Variants in ADCK1 observed in about 807,000 individuals in gnomAD.
The protein encoded by ADCK1 is aarF domain-containing protein kinase 1.
Under a neutral mutation model 52.3 loss-of-function variants are expected in ADCK1, and 41 were observed. That is an observed-to-expected ratio of 0.78 (90% CI 0.61 to 1.02). The LOEUF is 1.02. ADCK1 is among the 50% of genes least tolerant of loss of function. The pLI is 0.00. For synonymous variants in ADCK1, 250 were observed against 274.6 expected (o/e 0.91, Z 0.89); for missense variants, 658 against 679.5 (o/e 0.97, Z 0.35).
rs185670637 is a variant in ADCK1, at chr14:77,817,210, C to T, written c.-11-1758C>T. On this transcript the variant is annotated intron_variant, in intron 1 of 10. Coordinates refer to ENST00000238561, the MANE Select transcript of ADCK1 (RefSeq NM_020421.4). ...TGAGCCGAGATCGCGGCACTGCACT[C>T]CCGCCTGGGCGACAGAGCAAGACCC... Among the ~76,000 whole-genome samples the T allele has an allele frequency of 6.2e-3, 949 of 152,310 alleles. 14 individuals carry two copies. Among genetic ancestry groups the T allele is most frequent in the African/African-American group, 0.021 (884 of 41,574 alleles).
chr14:77,823,870 C>T (rs1273308060), intron 3 of ADCK1, among the ~76,000 whole-genome samples: 2 of 151,940 alleles, frequency 1.3e-5, no homozygotes. Flanking sequence ...CTGTGCCAGG[C>T]CTGTTTCATT....
chr14:77,909,188 T>C (rs1218467496), intron 7 of ADCK1, among the ~76,000 whole-genome samples: 4 of 139,010 alleles, frequency 2.9e-5, no homozygotes, highest in African/African-American at 1.1e-4. Context: ...TAGGCTGGAG[T>C]GCAATGGCGC....
Position 77,810,255 on chromosome 14 carries a change from C to T in ADCK1, c.-11-8713C>T, listed in dbSNP as rs1471730210. 3.3e-5 allele frequency among the ~76,000 whole-genome samples: 5 copies of T among 151,942 alleles called. No homozygotes were observed. The East Asian group carries it at 9.7e-4, about 30-fold the overall frequency. On this transcript the variant is annotated intron_variant, in intron 1 of 10. Transcript: ENST00000238561. Reference sequence around the variant, plus strand: ...TCAGCCTCCTGAGTAGCTGGGAGTTCAGGGACACACCACCATGCCCAGCTA... The same window carrying T: ...TCAGCCTCCTGAGTAGCTGGGAGTTTAGGGACACACCACCATGCCCAGCTA...
intron 6 of ADCK1, 58 bp downstream of exon 6, chr14:77,899,316 G>A (rs2140238676): frequency 3.8e-6 from 6 of 1,592,384 alleles, no homozygotes; most frequent in Non-Finnish European, 5.2e-6. Flanking sequence ...GTAGCGGTAT[G>A]TGGGTCCCTG....
intron 4 of ADCK1, among the ~76,000 whole-genome samples, chr14:77,873,926 T>G (rs2082841725): frequency 6.6e-6 from 1 of 152,224 alleles, no homozygotes; most frequent in African/African-American, 2.4e-5. Flanking sequence ...ACCATTAGGA[T>G]GGAAGGTAGG....
chr14:77,921,867 G>T (rs75695592), intron 7 of ADCK1, among the ~76,000 whole-genome samples: 1 of 152,044 alleles, frequency 6.6e-6, no homozygotes, highest in Non-Finnish European at 1.5e-5. Context: ...GTAATAGGGG[G>T]CCCAGAGCGA....
At chr14:77,931,389 C>A in intron 9 of ADCK1, 129 bp from the exon 10 acceptor site, 1 of 901,050 alleles carries the variant, frequency 1.1e-6, no homozygotes, top group Non-Finnish European at 1.7e-6. Context: ...AGTGCCAAGA[C>A]AGCGGTGCCT....
chr14:77,833,375 G>A (rs1448576475), intron 3 of ADCK1, among the ~76,000 whole-genome samples: 1 of 152,082 alleles, frequency 6.6e-6, no homozygotes, highest in African/African-American at 2.4e-5. Flanking sequence ...TTGTCATCAC[G>A]GAATGTTTGC....
Position 77,822,470 on chromosome 14 carries a change from G to A in ADCK1, c.171G>A (p.Leu57=). 1 of 1,614,148 alleles carries A rather than the reference G, an allele frequency of 6.2e-7. No homozygotes were observed. Among genetic ancestry groups the A allele is most frequent in the Non-Finnish European group, 8.5e-7 (1 of 1,180,018 alleles). The change falls in exon 3 of 11, where the codon CTG becomes CTA. Residue 57 remains leucine (L), a synonymous_variant. Coordinates refer to ENST00000238561, the MANE Select transcript of ADCK1 (RefSeq NM_020421.4). ...TCAGTTACGACTACCTCACTTCCCT[G>A]AAGAGTGTCCCTTATGGCTCAGAGG... ...AVISYDYLTS[L]KSVPYGSEEY...
At chr14:77,803,622 C>T (rs1183706074) in intron 1 of ADCK1, among the ~76,000 whole-genome samples, 1 of 152,158 alleles carries the variant, frequency 6.6e-6, no homozygotes, top group East Asian at 1.9e-4. Context: ...AATAAAACAG[C>T]CATGTCAGCT....
At chr14:77,877,911 T>TCTCC (rs2082935260) in intron 4 of ADCK1, among the ~76,000 whole-genome samples, 2 of 152,082 alleles carry the variant, frequency 1.3e-5, no homozygotes, top group South Asian at 4.1e-4. Context: ...CTGGCCAGCT[T>TCTCC]CTCCTTCCTT....
intron 10 of ADCK1, among the ~76,000 whole-genome samples, chr14:77,932,878 T>A (rs2084372122): frequency 6.6e-6 from 1 of 152,222 alleles, no homozygotes; most frequent in South Asian, 2.1e-4. Flanking sequence ...GCTTTGACTA[T>A]TTTTGAGTTT....
intron 4 of ADCK1, among the ~76,000 whole-genome samples, chr14:77,885,589 C>T (rs1391744940): frequency 6.6e-6 from 1 of 151,970 alleles, no homozygotes; most frequent in East Asian, 1.9e-4. Context: ...GGGATGGTGG[C>T]TGTGGGTCAT....
At chr14:77,918,391 C>T (rs144231989) in intron 7 of ADCK1, among the ~76,000 whole-genome samples, 92 of 152,316 alleles carry the variant, frequency 6.0e-4, no homozygotes, top group African/African-American at 1.6e-3. Context: ...CTGCCTTAAT[C>T]GTCTGCTTAA....
intron 4 of ADCK1, among the ~76,000 whole-genome samples, chr14:77,875,560 C>T (rs1236837743): frequency 6.6e-6 from 1 of 152,018 alleles, no homozygotes; most frequent in South Asian, 2.1e-4. Context: ...TCCCTGTCAC[C>T]GGGTTTGTGG....
Position 77,859,128 on chromosome 14 carries a change from G to T in ADCK1, c.272G>T (p.Gly91Val). The T allele has an allele frequency of 5.6e-6, 9 of 1,613,166 alleles. No homozygotes were observed. The highest frequency in any genetic ancestry group is 7.6e-6 in the Non-Finnish European group (9 of 1,179,888). Reference sequence around the variant, plus strand: ...TGTGAGCTCTGCTGTGCCAACCGGGGCACCTTCATCAAGGTGGGCCAGCAC... The same window carrying T: ...TGTGAGCTCTGCTGTGCCAACCGGGTCACCTTCATCAAGGTGGGCCAGCAC... ...RLCELCCANR[G>V]TFIKVGQHLG... is the part of the protein sequence containing the mutation. Residue 91 changes from glycine to valine, a missense_variant, in exon 4 of 11, where the codon GGC becomes GTC. By Grantham distance (109) the Gly-to-Val change is moderately radical. Transcript: ENST00000238561.
intron 5 of ADCK1, among the ~76,000 whole-genome samples, chr14:77,897,483 C>T (rs1401882419): frequency 6.6e-6 from 1 of 152,154 alleles, no homozygotes; most frequent in Non-Finnish European, 1.5e-5. Flanking sequence ...GTGCACAGAT[C>T]ACTGGGCTCT....
intron 1 of ADCK1, among the ~76,000 whole-genome samples, chr14:77,812,379 CA>C (rs148068858): frequency 0.034 from 5,144 of 152,170 alleles, 128 homozygotes; most frequent in African/African-American, 0.076. Context: ...TGAGATCATG[CA>C]GTATTTGTCT....
chr14:77,876,775 C>A (rs56239817), intron 4 of ADCK1, among the ~76,000 whole-genome samples: 6 of 152,110 alleles, frequency 3.9e-5, no homozygotes, highest in Non-Finnish European at 8.8e-5. Context: ...ACTGCCACCC[C>A]CCGACCTCCC....
Sources: gnomAD v4.1 joint callset for allele counts (sites outside exome capture counted in the v4.1 genomes callset) on GRCh38, gnomAD v4.1.1 for gene constraint, MANE v1.5 for transcripts, NCBI Gene and HGNC (gene_info 2026-07-23, HGNC 2026-07-21) for gene names.